The following SAMD4A variants were observed in gnomAD, a reference collection of about 807,000 sequenced individuals.
SAMD4A encodes the protein sterile alpha motif domain containing 4A, also known as protein Smaug homolog 1.
A neutral mutation model predicts 81.3 loss-of-function variants in SAMD4A; 33 were observed. The observed-to-expected ratio is 0.41, with a 90% CI of 0.31 to 0.54. The LOEUF is 0.54. SAMD4A is among the 20% of genes least tolerant of loss of function. The pLI is 0.37. For missense variants in SAMD4A, 854 were observed against 951.1 expected, an observed-to-expected ratio of 0.90 and a Z score of 1.34; for synonymous variants, 389 against 382.1, an observed-to-expected ratio of 1.02 and a Z score of -0.21.
chr14:54,758,983 A>C (rs1289700602), intron 6 of SAMD4A, among the ~76,000 whole-genome samples: 1 of 152,226 alleles, frequency 6.6e-6, no homozygotes, highest in African/African-American at 2.4e-5. Flanking sequence ...GCAGGGCCCC[A>C]GGCTCCCAAG....
At chr14:54,712,986 A>G (rs2037029008) in intron 3 of SAMD4A, among the ~76,000 whole-genome samples, 1 of 152,304 alleles carries the variant, frequency 6.6e-6, no homozygotes, top group East Asian at 1.9e-4. Context: ...TGGCTTCTGT[A>G]AGACCCTTTT....
chr14:54,693,338 A>G (rs942108660), intron 2 of SAMD4A: 1 of 152,204 alleles, frequency 6.6e-6, no homozygotes, highest in Non-Finnish European at 1.5e-5. Context: ...CATTTAAAGG[A>G]AACTTCTAGG....
chr14:54,760,185 C>T lies in SAMD4A; in HGVS notation c.1201C>T (p.Arg401Cys), dbSNP rs2038354881. ...ERDIIEGGSL[R>C]IPLQELHQMI... ...GGACATCATCGAGGGGGGCAGCCTG[C>T]GCATCCCGCTCCAGGAACTGCACCA... Residue 401 changes from arginine to cysteine, a missense_variant, in exon 7 of 13, where the codon CGC (arginine) becomes TGC (cysteine). By Grantham distance (180) the Arg-to-Cys change is radical. Coordinates refer to ENST00000554335, the MANE Select transcript of SAMD4A (RefSeq NM_015589.6). The T allele has an allele frequency of 5.6e-6, 9 of 1,612,856 alleles. No individual in the cohort carries two copies. Among genetic ancestry groups the T allele is most frequent in the Non-Finnish European group, 7.6e-6 (9 of 1,179,768 alleles).
intron 2 of SAMD4A, among the ~76,000 whole-genome samples, chr14:54,599,242 C>G (rs1244381864): frequency 6.6e-6 from 1 of 152,078 alleles, no homozygotes; most frequent in Non-Finnish European, 1.5e-5. Context: ...TTCCTGTTGT[C>G]AAATTGCCCT....
At chr14:54,640,224 GTCTC>G (rs368806740) in intron 2 of SAMD4A, among the ~76,000 whole-genome samples, 30 of 151,920 alleles carry the variant, frequency 2.0e-4, no homozygotes, top group Non-Finnish European at 3.8e-4. Context: ...GCGCCCTCGT[GTCTC>G]TCTCTCAACA....
chr14:54,596,401 A>T (rs963419576), intron 2 of SAMD4A, among the ~76,000 whole-genome samples: 2 of 152,122 alleles, frequency 1.3e-5, no homozygotes, highest in African/African-American at 2.4e-5. Context: ...CCTGCCCAAC[A>T]TGGTGAAACC....
intron 2 of SAMD4A, among the ~76,000 whole-genome samples, chr14:54,608,116 C>G (rs892311455): frequency 4.6e-5 from 7 of 152,042 alleles, no homozygotes; most frequent in African/African-American, 1.7e-4. Flanking sequence ...AGAGAGCAAA[C>G]CATTTGGACT....
At chr14:54,675,976 G>T (rs916688353) in intron 2 of SAMD4A, among the ~76,000 whole-genome samples, 1 of 152,192 alleles carries the variant, frequency 6.6e-6, no homozygotes, top group Non-Finnish European at 1.5e-5. Flanking sequence ...ATCCTTCCAC[G>T]GGAGGGCTCC....
At chr14:54,607,902 G>A (rs891361991) in intron 2 of SAMD4A, among the ~76,000 whole-genome samples, 3 of 151,174 alleles carry the variant, frequency 2.0e-5, no homozygotes, top group Non-Finnish European at 2.9e-5. Context: ...TCTAATCCCC[G>A]CTACTCGGGA....
chr14:54,659,283 G>A (rs1375518648), intron 2 of SAMD4A, among the ~76,000 whole-genome samples: 1 of 152,156 alleles, frequency 6.6e-6, no homozygotes, highest in Non-Finnish European at 1.5e-5. Flanking sequence ...ATCTCTATGG[G>A]TGTGGAATGC....
intron 2 of SAMD4A, among the ~76,000 whole-genome samples, chr14:54,672,968 C>T (rs1280383399): frequency 2.6e-5 from 4 of 152,152 alleles, no homozygotes; most frequent in African/African-American, 4.8e-5. Context: ...AGAGACTCAC[C>T]GGAAGAGATC....
intron 2 of SAMD4A, among the ~76,000 whole-genome samples, chr14:54,578,815 C>T (rs905230799): frequency 2.0e-5 from 3 of 152,124 alleles, no homozygotes; most frequent in Admixed American, 6.5e-5. Flanking sequence ...TTATGAAATA[C>T]ACCTGTAGAT....
intron 2 of SAMD4A, among the ~76,000 whole-genome samples, chr14:54,680,291 T>G (rs2036098399): frequency 6.6e-6 from 1 of 152,212 alleles, no homozygotes; most frequent in Admixed American, 6.5e-5. Flanking sequence ...AAATAAAAAT[T>G]ATTAAAACAA....
At chr14:54,728,986 A>G (rs2037493390) in intron 3 of SAMD4A, among the ~76,000 whole-genome samples, 1 of 152,208 alleles carries the variant, frequency 6.6e-6, no homozygotes, top group Non-Finnish European at 1.5e-5. Context: ...GTTCAGCTCA[A>G]GACAGGAGTT....
intron 4 of SAMD4A, among the ~76,000 whole-genome samples, chr14:54,738,808 C>T (rs1243242968): frequency 6.6e-6 from 1 of 152,118 alleles, no homozygotes; most frequent in African/African-American, 2.4e-5. Context: ...CTGAGACAGC[C>T]GTTGCTTTTA....
chr14:54,712,647 G>C lies in SAMD4A; in HGVS notation c.715+10067G>C, dbSNP rs1250832818. Among the ~76,000 whole-genome samples, 6 of 152,246 alleles carry C rather than the reference G, an allele frequency of 3.9e-5. No individual in the cohort carries two copies. In the East Asian group the frequency reaches 1.2e-3, roughly 29 times the overall value. Reference sequence around the variant, plus strand: ...CTAGTGTCTGTTTTCCAAGGCTTGGGGAGGAATGATCAGAAAAATGCTGTA... The same window carrying C: ...CTAGTGTCTGTTTTCCAAGGCTTGGCGAGGAATGATCAGAAAAATGCTGTA... On this transcript the variant is annotated intron_variant, in intron 3 of 12. Transcript: ENST00000554335.
intron 2 of SAMD4A, among the ~76,000 whole-genome samples, chr14:54,611,261 A>G (rs968456176): frequency 1.3e-5 from 2 of 152,224 alleles, no homozygotes; most frequent in Non-Finnish European, 2.9e-5. Context: ...TAATAGCAAC[A>G]GCAATAACAA....
chr14:54,676,092 A>G (rs1224985542), intron 2 of SAMD4A, among the ~76,000 whole-genome samples: 1 of 152,246 alleles, frequency 6.6e-6, no homozygotes, highest in Non-Finnish European at 1.5e-5. Context: ...CTCAATACTA[A>G]GAAAGATGGA....
intron 7 of SAMD4A, among the ~76,000 whole-genome samples, chr14:54,761,718 T>A (rs902529004): frequency 4.6e-5 from 7 of 152,224 alleles, no homozygotes; most frequent in African/African-American, 1.4e-4. Flanking sequence ...CCTATAACAC[T>A]CTTTTCCTCA....
Sources: gnomAD v4.1 joint callset for allele counts (sites outside exome capture counted in the v4.1 genomes callset) on GRCh38, gnomAD v4.1.1 for gene constraint, MANE v1.5 for transcripts, NCBI Gene and HGNC (gene_info 2026-07-23, HGNC 2026-07-21) for gene names.